Variants in RPA3 observed in about 807,000 individuals in gnomAD.
RPA3 encodes replication protein A3.
Under a neutral mutation model 13.7 loss-of-function variants are expected in RPA3, and 24 were observed. The observed-to-expected ratio is 1.75, with a 90% CI of 1.27 to 2.46. The LOEUF (loss-of-function observed/expected upper bound fraction) is 2.46. Ranked by LOEUF, RPA3 falls within the 30% of genes most tolerant of loss-of-function variation. The probability of loss-of-function intolerance (pLI) is 0.00; values close to 1 mark genes in which losing one functional copy is unlikely to be tolerated. For synonymous variants in RPA3, 59 were observed against 51.2 expected, an observed-to-expected ratio of 1.15 and a Z score of -0.65; for missense variants, 183 against 151.0, an observed-to-expected ratio of 1.21 and a Z score of -1.11.
At chr7:7,651,093 A>G (rs1230742391) in intron 4 of RPA3, among the ~76,000 whole-genome samples, 1 of 152,244 alleles carries the variant, frequency 6.6e-6, no homozygotes, top group Non-Finnish European at 1.5e-5. Flanking sequence ...TTCTGGTAAT[A>G]TAGCAAATCA....
intron 4 of RPA3, among the ~76,000 whole-genome samples, chr7:7,663,470 A>C (rs1785527868): frequency 6.6e-6 from 1 of 152,182 alleles, no homozygotes; most frequent in Non-Finnish European, 1.5e-5. Context: ...CCATTACACC[A>C]ATATCAAAAA....
At chr7:7,658,062 C>G (rs922873962) in intron 4 of RPA3, among the ~76,000 whole-genome samples, 1 of 151,686 alleles carries the variant, frequency 6.6e-6, no homozygotes, top group Middle Eastern at 3.2e-3. Flanking sequence ...GTATTTTATT[C>G]TCTGTAGCAA....
chr7:7,644,307 G>A (rs1182050342), intron 4 of RPA3, among the ~76,000 whole-genome samples: 1 of 146,870 alleles, frequency 6.8e-6, no homozygotes, highest in Non-Finnish European at 1.5e-5. Context: ...TGGTACAAGT[G>A]TTGTCTGTTT....
intron 4 of RPA3, among the ~76,000 whole-genome samples, chr7:7,683,180 G>T (rs1271438496): frequency 1.3e-5 from 2 of 152,202 alleles, no homozygotes; most frequent in African/African-American, 2.4e-5. Context: ...CGGGGACTCA[G>T]TGGATTTAGT....
chr7:7,691,728 CAA>C (rs1780176903), intron 2 of RPA3, among the ~76,000 whole-genome samples: 1 of 152,176 alleles, frequency 6.6e-6, no homozygotes, highest in Non-Finnish European at 1.5e-5. Context: ...AAGAGACTGA[CAA>C]ATCCCTAATT....
chr7:7,705,239 G>T (rs184245430), intron 2 of RPA3, among the ~76,000 whole-genome samples: 1 of 152,152 alleles, frequency 6.6e-6, no homozygotes, highest in African/African-American at 2.4e-5. Context: ...AACGAAGTTC[G>T]TATAGTTGAT....
At chr7:7,687,960 TG>T (rs1780079348) in intron 2 of RPA3, among the ~76,000 whole-genome samples, 2 of 152,324 alleles carry the variant, frequency 1.3e-5, no homozygotes, top group South Asian at 4.1e-4. Context: ...AAAGGAAAAC[TG>T]TAACCCCTGA....
rs1554308886 is a variant in RPA3 at position 7,649,175 on chromosome 7, A to AAAAG, written c.-757-8001_-757-8000insCTTT. Among the ~76,000 whole-genome samples the AAAAG allele has an allele frequency of 4.8e-5, 5 of 104,610 alleles. 1 individual carries two copies. The highest frequency in any genetic ancestry group is 3.3e-4 in the Admixed American group (3 of 9,184). 68.6% of individuals were successfully genotyped at this position (104,610 alleles called of 152,430 possible). ...CTCCATCTCAAAAAAAAAAAAAAAA[A>AAAAG]AAAAGAAAAGAAAAGAATAAAAAAG... On this transcript the variant is annotated intron_variant, in intron 4 of 7. Coordinates refer to ENST00000223129, the MANE Select transcript of RPA3 (RefSeq NM_002947.5).
At chr7:7,651,320 G>C (rs1303952344) in intron 4 of RPA3, among the ~76,000 whole-genome samples, 2 of 152,142 alleles carry the variant, frequency 1.3e-5, no homozygotes, top group African/African-American at 4.8e-5. Context: ...GGGTGGGCTT[G>C]GCTTGTCTTT....
In RPA3 at chr7:7,637,876, T is replaced by C; in HGVS notation, c.271A>G (p.Ser91Gly). Reference protein sequence around the residue: ...CTSYVQFKEDSHPFDLGLYNE... With the variant: ...CTSYVQFKEDGHPFDLGLYNE... The stretch of plus-strand genomic sequence containing the variant: ...ATGCTTTATTTACCAAAAGGATGGC[T>C]ATCTTCTTTAAACTGGACATAAGAT... Residue 91 changes from serine to glycine, a missense_variant, in exon 7 of 8, where the codon AGC becomes GGC. Physicochemically the swap from Ser to Gly is moderately conservative, Grantham distance 56. Coordinates refer to ENST00000223129, the MANE Select transcript of RPA3 (RefSeq NM_002947.5). The C allele has an allele frequency of 6.2e-7, 1 of 1,612,166 alleles. No individual in the cohort carries two copies.
intron 2 of RPA3, among the ~76,000 whole-genome samples, chr7:7,708,647 A>C (rs368999522): frequency 6.6e-6 from 1 of 152,224 alleles, no homozygotes; most frequent in South Asian, 2.1e-4. Context: ...CCATTAAAGT[A>C]GTAATATACT....
chr7:7,673,312 GCAGCAGCA>G, intron 4 of RPA3: 1 of 210,432 alleles, frequency 4.8e-6, no homozygotes, highest in East Asian at 8.4e-4. Flanking sequence ...ATTTCAGGTA[GCAGCAGCA>G]GCAGCAGCAG....
chr7:7,639,353 C>G (rs928204771), intron 5 of RPA3, among the ~76,000 whole-genome samples: 2 of 152,016 alleles, frequency 1.3e-5, no homozygotes, highest in African/African-American at 4.8e-5. Context: ...TTCAGATAAA[C>G]AAGGATTTTT....
At chr7:7,681,283 C>G (rs1246622469) in intron 4 of RPA3, among the ~76,000 whole-genome samples, 1 of 152,052 alleles carries the variant, frequency 6.6e-6, no homozygotes, top group African/African-American at 2.4e-5. Flanking sequence ...TTCTGCTTAA[C>G]ACAAATAGGT....
At chr7:7,680,998 C>T (rs1209787728) in intron 4 of RPA3, among the ~76,000 whole-genome samples, 1 of 151,808 alleles carries the variant, frequency 6.6e-6, no homozygotes, top group Non-Finnish European at 1.5e-5. Context: ...TTTGTGGCAT[C>T]GTGTGCAATA....
At chr7:7,682,118 G>C (rs941791449) in intron 4 of RPA3, among the ~76,000 whole-genome samples, 6 of 152,138 alleles carry the variant, frequency 3.9e-5, no homozygotes, top group Non-Finnish European at 8.8e-5. Flanking sequence ...CAGTACAAGG[G>C]AAATGCATCA....
intron 4 of RPA3, chr7:7,641,509 A>T (rs1336855212): frequency 6.6e-6 from 1 of 151,586 alleles, no homozygotes; most frequent in Non-Finnish European, 1.5e-5. Context: ...AACAGTTTAA[A>T]CCCCCTCAGC....
chr7:7,687,164 A>G (rs1780059143), intron 3 of RPA3, 64 bp downstream of exon 3: 1 of 152,178 alleles, frequency 6.6e-6, no homozygotes, highest in Non-Finnish European at 1.5e-5. Flanking sequence ...TGGAAATAAT[A>G]GTATTTGGAT....
At chr7:7,646,439 C>G (rs893002942) in intron 4 of RPA3, among the ~76,000 whole-genome samples, 1 of 149,236 alleles carries the variant, frequency 6.7e-6, no homozygotes, top group African/African-American at 2.5e-5. Context: ...ATAAGTCTCA[C>G]GAGATCTGAT....
Sources: allele counts gnomAD v4.1 joint callset (sites outside exome capture counted in the v4.1 genomes callset), GRCh38; gene constraint gnomAD v4.1.1; transcripts MANE v1.5; gene names NCBI Gene and HGNC (gene_info 2026-07-23, HGNC 2026-07-21).